The following LRMDA variants were observed in gnomAD, a reference collection of about 807,000 sequenced individuals.
LRMDA encodes leucine-rich melanocyte differentiation-associated protein.
A neutral mutation model predicts 29.8 loss-of-function variants in LRMDA; 18 were observed. The ratio of observed to expected loss-of-function variants is 0.60; its 90% CI spans 0.42 to 0.90. The LOEUF (loss-of-function observed/expected upper bound fraction) is 0.90. LRMDA is among the 40% of genes least tolerant of loss of function. The pLI is 0.00. For missense variants in LRMDA, 273 were observed against 273.9 expected (o/e 1.00, Z 0.02); for synonymous variants, 125 against 109.4 (o/e 1.14, Z -0.89).
chr10:76,436,189 G>A (rs1842242717), intron 6 of LRMDA, among the ~76,000 whole-genome samples: 1 of 152,206 alleles, frequency 6.6e-6, no homozygotes, highest in South Asian at 2.1e-4. Context: ...GAGGTTGGTG[G>A]CAGAGTTAGT....
In LRMDA at chr10:75,647,265, C is replaced by T. The variant is rs76840587; in HGVS notation, c.131+208771C>T. ...AACCATGTCCAATTTTTTTTTAAAA[C>T]CCTAAAGACTTAAATGCTCTATTGT... On this transcript the variant is annotated intron_variant, in intron 2 of 6. Transcript: ENST00000611255. Among the ~76,000 whole-genome samples, 58 of 152,132 alleles carry T rather than the reference C, an allele frequency of 3.8e-4. No individual in the cohort carries two copies. In the East Asian group the frequency reaches 0.011, roughly 29 times the overall value.
At chr10:76,538,737 A>G (rs533370229) in intron 6 of LRMDA, among the ~76,000 whole-genome samples, 2 of 152,170 alleles carry the variant, frequency 1.3e-5, no homozygotes, top group East Asian at 3.9e-4. Flanking sequence ...GCATTGAAAG[A>G]AAATGTCTTG....
intron 2 of LRMDA, among the ~76,000 whole-genome samples, chr10:75,653,598 GGAGA>G (rs1841627491): frequency 6.6e-6 from 1 of 152,194 alleles, no homozygotes; most frequent in Non-Finnish European, 1.5e-5. Context: ...GACAGTCTTG[GGAGA>G]GTGCCTGTGG....
chr10:76,244,899 G>A (rs1278397661), intron 5 of LRMDA, among the ~76,000 whole-genome samples: 2 of 152,156 alleles, frequency 1.3e-5, no homozygotes, highest in Non-Finnish European at 2.9e-5. Flanking sequence ...AAAGAACACT[G>A]GTCAAGAGCT....
At chr10:76,388,146 G>A (rs1433472430) in intron 6 of LRMDA, among the ~76,000 whole-genome samples, 2 of 152,194 alleles carry the variant, frequency 1.3e-5, no homozygotes, top group African/African-American at 4.8e-5. Context: ...TATGTTCTAA[G>A]TATTATTGTA....
At chr10:75,529,599 A>G (rs898609984) in intron 2 of LRMDA, among the ~76,000 whole-genome samples, 1 of 152,228 alleles carries the variant, frequency 6.6e-6, no homozygotes, top group Non-Finnish European at 1.5e-5. Context: ...AGAAAGCTCC[A>G]GGAGCATCTT....
intron 2 of LRMDA, among the ~76,000 whole-genome samples, chr10:75,896,130 G>A (rs536978425): frequency 1.1e-4 from 17 of 152,238 alleles, no homozygotes; most frequent in Admixed American, 2.6e-4. Context: ...TATGCTTCTC[G>A]TTATTACAGT....
chr10:76,204,014 A>G (rs1851485858), intron 5 of LRMDA, among the ~76,000 whole-genome samples: 1 of 123,450 alleles, frequency 8.1e-6, no homozygotes. Flanking sequence ...ACCCATCTCT[A>G]TTTCATGTGC....
chr10:76,546,291 CA>C (rs1843420333), intron 6 of LRMDA, among the ~76,000 whole-genome samples: 1 of 152,166 alleles, frequency 6.6e-6, no homozygotes, highest in Non-Finnish European at 1.5e-5. Flanking sequence ...GAGAAATGTT[CA>C]ATCTGCAGTC....
At chr10:75,782,707 C>A in intron 2 of LRMDA, 1 of 1,265,314 alleles carries the variant, frequency 7.9e-7, no homozygotes, top group Non-Finnish European at 1.0e-6. Flanking sequence ...TAAAGCCAGG[C>A]ACTTGTGAGA....
intron 2 of LRMDA, among the ~76,000 whole-genome samples, chr10:75,573,583 ATCATATT>A (rs1245824949): frequency 6.6e-6 from 1 of 152,118 alleles, no homozygotes; most frequent in Admixed American, 6.5e-5. Context: ...GAGCCCATCC[ATCATATT>A]TTAATTTTGA....
chr10:75,659,259 G>T (rs181241137), intron 2 of LRMDA, among the ~76,000 whole-genome samples: 2 of 152,290 alleles, frequency 1.3e-5, no homozygotes, highest in African/African-American at 4.8e-5. Context: ...CTTCATCAAG[G>T]TTGGCAAGTG....
At chr10:76,313,803 A>G (rs1477511694) in intron 5 of LRMDA, among the ~76,000 whole-genome samples, 1 of 152,144 alleles carries the variant, frequency 6.6e-6, no homozygotes, top group African/African-American at 2.4e-5. Flanking sequence ...AAAAAATTCC[A>G]TACAATCACT....
intron 2 of LRMDA, among the ~76,000 whole-genome samples, chr10:75,893,187 C>G (rs1845523411): frequency 6.6e-6 from 1 of 152,128 alleles, no homozygotes; most frequent in African/African-American, 2.4e-5. Context: ...CTTCCAGTAG[C>G]TACTGGACAC....
chr10:75,450,270 G>C (rs1337694617), intron 2 of LRMDA: 1 of 152,092 alleles, frequency 6.6e-6, no homozygotes, highest in African/African-American at 2.4e-5. Flanking sequence ...TTCGCGTAGA[G>C]TGTTTTTTTA....
chr10:75,845,000 T>C (rs1361104331), intron 2 of LRMDA, among the ~76,000 whole-genome samples: 1 of 152,218 alleles, frequency 6.6e-6, no homozygotes, highest in Admixed American at 6.5e-5. Context: ...GGCTGGATGT[T>C]GAAGTGTGGC....
intron 6 of LRMDA, among the ~76,000 whole-genome samples, chr10:76,457,008 T>C (rs1379556578): frequency 6.6e-6 from 1 of 152,172 alleles, no homozygotes; most frequent in East Asian, 1.9e-4. Flanking sequence ...ACTCCGACTT[T>C]GAACATTTTC....
chr10:76,232,039 A>C (rs995234430), intron 5 of LRMDA, among the ~76,000 whole-genome samples: 5 of 152,176 alleles, frequency 3.3e-5, no homozygotes, highest in African/African-American at 1.2e-4. Context: ...ATGGAGGTGA[A>C]ACCCAGTGAT....
chr10:75,570,064 A>T (rs1160623838), intron 2 of LRMDA, among the ~76,000 whole-genome samples: 2 of 152,222 alleles, frequency 1.3e-5, no homozygotes, highest in African/African-American at 4.8e-5. Flanking sequence ...CAGTTTAAAA[A>T]GTGCTGTTTT....
Sources: gnomAD v4.1 joint callset for allele counts (sites outside exome capture counted in the v4.1 genomes callset) on GRCh38, gnomAD v4.1.1 for gene constraint, MANE v1.5 for transcripts, NCBI Gene and HGNC (gene_info 2026-07-23, HGNC 2026-07-21) for gene names.